Variants in LANCL3 observed in about 807,000 individuals in gnomAD.
The protein encoded by LANCL3 is LanC like family member 3.
In LANCL3, 19 loss-of-function variants were observed where a neutral mutation model predicts 26.5. The observed-to-expected ratio is 0.72, with a 90% CI of 0.50 to 1.05. The LOEUF is 1.05. Ranked by LOEUF, LANCL3 falls within the 50% of genes least tolerant of loss-of-function variation. LANCL3 has a pLI of 0.00. For missense variants in LANCL3, 318 were observed against 362.7 expected, an observed-to-expected ratio of 0.88 and a Z score of 1.00; for synonymous variants, 160 against 166.6, an observed-to-expected ratio of 0.96 and a Z score of 0.30.
chrX:37,625,599 C>T (rs938254059), intron 1 of LANCL3, among the ~76,000 whole-genome samples: 42 of 111,409 alleles, frequency 3.8e-4, no homozygotes, highest in Non-Finnish European at 4.5e-4. Context: ...TCCCCAGAGT[C>T]GAGACTCACA....
rs1482190651 is a variant in LANCL3 at position 37,628,717 on chromosome X, G to A, written c.574-26971G>A. On this transcript the variant is annotated intron_variant, in intron 1 of 4. Coordinates refer to ENST00000378619, the MANE Select transcript of LANCL3 (RefSeq NM_001170331.2). ...GTGGTGTTTGGTTTTTTGTCCCTGCGATAGTTTACTGAGAATGACGATTTC... is the reference window on the plus strand; with the variant it reads ...GTGGTGTTTGGTTTTTTGTCCCTGCAATAGTTTACTGAGAATGACGATTTC... 1.2e-3 allele frequency among the ~76,000 whole-genome samples: 125 copies of A among 105,261 alleles called. 2 individuals carry two copies. The highest frequency in any genetic ancestry group is 4.1e-3 in the African/African-American group (118 of 28,673). 91.4% of individuals were successfully genotyped at this position (105,261 alleles called of 115,157 possible).
At chrX:37,633,475 A>G (rs1556424951) in intron 1 of LANCL3, among the ~76,000 whole-genome samples, 1 of 111,537 alleles carries the variant, frequency 9.0e-6, no homozygotes, top group African/African-American at 3.3e-5. Flanking sequence ...CTGGTGAGGA[A>G]CTGTGTTCCT....
chrX:37,659,653 G>T lies in LANCL3; in HGVS notation c.889G>T (p.Ala297Ser). ...TGAGCTGGTGCACTGGTGCCATGGC[G>T]CTCCAGGTCTCACACACTCTGTTAC... ...ENELVHWCHG[A>S]PGIAYLFAKA... The change falls in exon 3 of 5, where the codon GCT becomes TCT. Residue 297 changes from alanine to serine, a missense_variant. Coordinates refer to ENST00000378619, the MANE Select transcript of LANCL3 (RefSeq NM_001170331.2). 1 of 1,207,396 alleles carries T rather than the reference G, an allele frequency of 8.3e-7. No individual in the cohort carries two copies. Among genetic ancestry groups the T allele is most frequent in the Non-Finnish European group, 1.1e-6 (1 of 893,044 alleles).
At chrX:37,638,049 TGA>T (rs781858663) in intron 1 of LANCL3, among the ~76,000 whole-genome samples, 3 of 108,383 alleles carry the variant, frequency 2.8e-5, no homozygotes, top group Non-Finnish European at 3.8e-5. Context: ...AAACTTGGAA[TGA>T]GAGAGAGAGA....
intron 1 of LANCL3, among the ~76,000 whole-genome samples, chrX:37,580,676 C>T (rs1274959023): frequency 3.6e-5 from 4 of 111,144 alleles, no homozygotes; most frequent in Non-Finnish European, 3.8e-5. Context: ...ACTTTGTACC[C>T]TTTTACCAAC....
chrX:37,612,820 G>T (rs927162224), intron 1 of LANCL3, among the ~76,000 whole-genome samples: 8 of 111,851 alleles, frequency 7.2e-5, no homozygotes, highest in African/African-American at 2.6e-4. Context: ...AGAAGTGATA[G>T]AATAGAAGGC....
chrX:37,625,224 C>G (rs949744371), intron 1 of LANCL3, among the ~76,000 whole-genome samples: 1 of 111,639 alleles, frequency 9.0e-6, no homozygotes, highest in East Asian at 2.8e-4. Flanking sequence ...ATTTAAATAC[C>G]TAACAAATAT....
intron 4 of LANCL3, 64 bp downstream of exon 4, chrX:37,667,553 A>G: frequency 1.2e-6 from 1 of 812,289 alleles, no homozygotes; most frequent in Non-Finnish European, 1.7e-6. Context: ...TTTCTGAATT[A>G]CTAATATAGT....
At chrX:37,574,828 G>C (rs192446606) in intron 1 of LANCL3, among the ~76,000 whole-genome samples, 1 of 110,058 alleles carries the variant, frequency 9.1e-6, no homozygotes, top group Admixed American at 9.7e-5. Context: ...TGTTCTTACA[G>C]TTCTTTCTAC....
intron 1 of LANCL3, among the ~76,000 whole-genome samples, chrX:37,628,037 A>T (rs1292390947): frequency 1.8e-5 from 2 of 112,023 alleles, no homozygotes; most frequent in African/African-American, 3.2e-5. Flanking sequence ...GCTTAATGTA[A>T]CCACACCTTA....
chrX:37,598,433 C>T (rs185246295), intron 1 of LANCL3, among the ~76,000 whole-genome samples: 27 of 111,473 alleles, frequency 2.4e-4, no homozygotes, highest in African/African-American at 7.5e-4. Context: ...AGTGTGCAAC[C>T]GAGGTAGAGC....
intron 1 of LANCL3, among the ~76,000 whole-genome samples, chrX:37,631,994 T>C (rs1239378795): frequency 9.0e-6 from 1 of 110,751 alleles, no homozygotes; most frequent in Non-Finnish European, 1.9e-5. Flanking sequence ...CTGAGTTCAA[T>C]TCCTGGGTAT....
intron 2 of LANCL3, among the ~76,000 whole-genome samples, chrX:37,656,260 A>G (rs1238473225): frequency 1.8e-5 from 2 of 110,219 alleles, no homozygotes; most frequent in Non-Finnish European, 3.8e-5. Context: ...AAAAAAAAAA[A>G]GGGAAATTAG....
intron 1 of LANCL3, among the ~76,000 whole-genome samples, chrX:37,639,299 A>ATT (rs1925803263): frequency 9.7e-6 from 1 of 103,219 alleles, no homozygotes; most frequent in African/African-American, 3.5e-5. Context: ...GTATATGTAT[A>ATT]TTATATATAT....
At chrX:37,596,869 G>T (rs1355208286) in intron 1 of LANCL3, among the ~76,000 whole-genome samples, 1 of 111,666 alleles carries the variant, frequency 9.0e-6, no homozygotes, top group African/African-American at 3.3e-5. Flanking sequence ...AAAATATACA[G>T]TTCAATGGTT....
At position 37,669,649 on chromosome X, in the gene LANCL3, C is replaced by T. The variant is rs781818355; in HGVS notation, c.1103+2160C>T. On this transcript the variant is annotated intron_variant, in intron 4 of 4. Coordinates refer to ENST00000378619, the MANE Select transcript of LANCL3 (RefSeq NM_001170331.2). The stretch of plus-strand genomic sequence containing the variant: ...GAGGCCTCCCCAGAAGCAGAAGCTG[C>T]TATGATTCCTGTACAGCCTGCAGAA... Among the ~76,000 whole-genome samples, 4 of 112,180 alleles carry T rather than the reference C, an allele frequency of 3.6e-5. No individual in the cohort carries two copies. In the East Asian group the frequency reaches 8.4e-4, roughly 24 times the overall value.
intron 1 of LANCL3, among the ~76,000 whole-genome samples, chrX:37,580,310 TAAC>T (rs1569460939): frequency 8.9e-6 from 1 of 112,179 alleles, no homozygotes; most frequent in Non-Finnish European, 1.9e-5. Flanking sequence ...TAATAAGGAC[TAAC>T]GATGACTGAT....
At chrX:37,617,918 G>A (rs1204757986) in intron 1 of LANCL3, among the ~76,000 whole-genome samples, 1 of 111,792 alleles carries the variant, frequency 8.9e-6, no homozygotes, top group East Asian at 2.8e-4. Flanking sequence ...GGAACCTTTT[G>A]TTCAATTGGA....
At chrX:37,673,377 C>T (rs1220870612) in intron 4 of LANCL3, among the ~76,000 whole-genome samples, 1 of 111,103 alleles carries the variant, frequency 9.0e-6, no homozygotes, top group East Asian at 2.8e-4. Context: ...AATTAGAAAG[C>T]ATTCCATCAT....
Sources: allele counts gnomAD v4.1 joint callset (sites outside exome capture counted in the v4.1 genomes callset), GRCh38; gene constraint gnomAD v4.1.1; transcripts MANE v1.5; gene names NCBI Gene and HGNC (gene_info 2026-07-23, HGNC 2026-07-21).